BACH2: variants seen among roughly 807,000 people sequenced by gnomAD.
BACH2 encodes the protein transcription regulator protein BACH2.
Under a neutral mutation model 61.8 loss-of-function variants are expected in BACH2, and 5 were observed. The observed-to-expected ratio is 0.08, with a 90% CI of 0.04 to 0.17. The LOEUF is 0.17. Among genes scored for constraint, BACH2 ranks in the 10% least tolerant of loss-of-function variants. The pLI is 1.00. For synonymous variants in BACH2, 446 were observed against 440.1 expected, an observed-to-expected ratio of 1.01 and a Z score of -0.17; for missense variants, 824 against 1,091.1, an observed-to-expected ratio of 0.76 and a Z score of 3.45.
intron 1 of BACH2, among the ~76,000 whole-genome samples, chr6:90,272,390 C>T (rs1771553804): frequency 6.6e-6 from 1 of 152,026 alleles, no homozygotes; most frequent in Admixed American, 6.5e-5. Context: ...TTTCTCTCTC[C>T]CTCAGAAATC....
At chr6:90,053,989 A>C (rs1472739885) in intron 5 of BACH2, among the ~76,000 whole-genome samples, 1 of 152,082 alleles carries the variant, frequency 6.6e-6, no homozygotes, top group Admixed American at 6.5e-5. Context: ...GGTGGGGAGG[A>C]GCCAAGATGG....
intron 6 of BACH2, among the ~76,000 whole-genome samples, chr6:89,992,738 C>T (rs533049941): frequency 6.6e-6 from 1 of 152,288 alleles, no homozygotes; most frequent in East Asian, 1.9e-4. Flanking sequence ...TATGGCTACA[C>T]AGTACATGAT....
At chr6:90,219,883 C>T (rs930359520) in intron 3 of BACH2, among the ~76,000 whole-genome samples, 4 of 152,136 alleles carry the variant, frequency 2.6e-5, no homozygotes, top group Non-Finnish European at 5.9e-5. Flanking sequence ...CATACCACCA[C>T]TGCAAATAAC....
intron 5 of BACH2, among the ~76,000 whole-genome samples, chr6:90,082,643 A>G (rs1446526407): frequency 1.3e-5 from 2 of 152,218 alleles, no homozygotes; most frequent in Non-Finnish European, 2.9e-5. Flanking sequence ...ATATTTGGGC[A>G]GCCAGATTAT....
At chr6:90,092,291 A>AAAAAAAAAAAAAAATAT in intron 4 of BACH2, among the ~76,000 whole-genome samples, 6 of 113,826 alleles carry the variant, frequency 5.3e-5, no homozygotes, top group African/African-American at 2.2e-4. Flanking sequence ...AAAAAAAAAA[A>AAAAAAAAAAAAAAATAT]ATATATATAT....
chr6:90,147,153 A>C (rs2127828732), intron 4 of BACH2, among the ~76,000 whole-genome samples: 1 of 152,378 alleles, frequency 6.6e-6, no homozygotes, highest in South Asian at 2.1e-4. Flanking sequence ...AGCCACTGCA[A>C]GAAGGGGCAG....
At chr6:90,000,004 G>A (rs1777050937) in intron 6 of BACH2, among the ~76,000 whole-genome samples, 1 of 152,232 alleles carries the variant, frequency 6.6e-6, no homozygotes, top group Non-Finnish European at 1.5e-5. Flanking sequence ...TATGCCAAAA[G>A]AGGAACACAT....
intron 6 of BACH2, among the ~76,000 whole-genome samples, chr6:89,991,672 ACATT>A (rs1364289736): frequency 6.6e-6 from 1 of 152,148 alleles, no homozygotes; most frequent in African/African-American, 2.4e-5. Flanking sequence ...TATATAGTCT[ACATT>A]CAGATTCTCC....
intron 5 of BACH2, among the ~76,000 whole-genome samples, chr6:90,084,438 T>C (rs1298488570): frequency 6.6e-6 from 1 of 152,042 alleles, no homozygotes; most frequent in Admixed American, 6.6e-5. Context: ...CCCTTTCAAC[T>C]CAAGCTTAGG....
Position 90,003,984 on chromosome 6 carries a change from G to A in BACH2, c.243+4618C>T, listed in dbSNP as rs189534228. Reference sequence around the variant, plus strand: ...TGCTGTTGTCACCCTGTGCTGTGGCGTTAACTACTTTCTGTACTATTACAT... The same window carrying A: ...TGCTGTTGTCACCCTGTGCTGTGGCATTAACTACTTTCTGTACTATTACAT... On this transcript the variant is annotated intron_variant, in intron 6 of 8. Coordinates refer to ENST00000257749, the MANE Select transcript of BACH2 (RefSeq NM_021813.4). Among the ~76,000 whole-genome samples the A allele has an allele frequency of 1.6e-3, 239 of 152,248 alleles. 1 individual carries two copies. Among genetic ancestry groups the A allele is most frequent in the African/African-American group, 4.9e-3 (202 of 41,552 alleles).
At position 89,929,558 on chromosome 6, in the gene BACH2, G is replaced by A. The variant is rs1163933018; in HGVS notation, c.*2850C>T. ...CTATGAAATTGGAAGATGGTTTTTAGAGCAGTGTTTTTAACCAGTTCCCAT... is the reference window on the plus strand; with the variant it reads ...CTATGAAATTGGAAGATGGTTTTTAAAGCAGTGTTTTTAACCAGTTCCCAT... On this transcript the variant is annotated 3_prime_UTR_variant, in exon 9 of 9. Coordinates refer to ENST00000257749, the MANE Select transcript of BACH2 (RefSeq NM_021813.4). The A allele has an allele frequency of 1.3e-5, 2 of 152,336 alleles. No homozygotes were observed. Among genetic ancestry groups the A allele is most frequent in the Non-Finnish European group, 2.9e-5 (2 of 68,050 alleles). 9.4% of individuals were successfully genotyped at this position (152,336 alleles called of 1,614,324 possible).
chr6:89,961,998 G>A (rs1035422185), intron 6 of BACH2, among the ~76,000 whole-genome samples: 1 of 152,080 alleles, frequency 6.6e-6, no homozygotes, highest in African/African-American at 2.4e-5. Context: ...GTGTGTACTT[G>A]TCTAGATACT....
intron 6 of BACH2, among the ~76,000 whole-genome samples, chr6:90,004,745 T>C (rs1016033062): frequency 2.0e-5 from 3 of 152,206 alleles, no homozygotes; most frequent in Non-Finnish European, 4.4e-5. Flanking sequence ...GTCATACTAA[T>C]GAGCAGTGGA....
At chr6:89,933,522 C>A (rs1772811454) in intron 8 of BACH2, among the ~76,000 whole-genome samples, 1 of 151,902 alleles carries the variant, frequency 6.6e-6, no homozygotes, top group South Asian at 2.1e-4. Context: ...CTAATGCAAA[C>A]TATGGACTTG....
rs892196971 is a variant in BACH2, at chr6:90,216,459, G to A, written c.-274-9778C>T. ...CTTTCTGCTAATGTCGACTTCCCTC[G>A]GCTCAGACGGTGGGGTCATTTCCTC... On this transcript the variant is annotated intron_variant, in intron 3 of 8. Transcript: ENST00000257749. Among the ~76,000 whole-genome samples the A allele has an allele frequency of 4.0e-4, 61 of 152,192 alleles. 1 individual carries two copies. The highest frequency in any genetic ancestry group is 1.4e-3 in the African/African-American group (57 of 41,538).
At chr6:90,097,359 C>T (rs1344944406) in intron 4 of BACH2, among the ~76,000 whole-genome samples, 2 of 152,190 alleles carry the variant, frequency 1.3e-5, no homozygotes, top group Admixed American at 1.3e-4. Context: ...TCTCACTGTA[C>T]TGTTGAAAAA....
intron 2 of BACH2, among the ~76,000 whole-genome samples, chr6:90,261,778 G>A (rs1390435004): frequency 6.6e-6 from 1 of 151,898 alleles, no homozygotes; most frequent in Non-Finnish European, 1.5e-5. Flanking sequence ...CGATCTAATT[G>A]AGCACTTATA....
intron 5 of BACH2, among the ~76,000 whole-genome samples, chr6:90,013,719 A>G (rs1379640846): frequency 2.0e-5 from 3 of 151,986 alleles, no homozygotes; most frequent in Non-Finnish European, 4.4e-5. Context: ...CATGTTAGCC[A>G]GGATGGTCTT....
intron 5 of BACH2, among the ~76,000 whole-genome samples, chr6:90,024,229 G>C (rs957024098): frequency 5.3e-5 from 8 of 152,116 alleles, no homozygotes; most frequent in Non-Finnish European, 4.4e-5. Flanking sequence ...TTTAGGTTCT[G>C]TGACTTAATC....
Sources: gnomAD v4.1 joint callset for allele counts (sites outside exome capture counted in the v4.1 genomes callset) on GRCh38, gnomAD v4.1.1 for gene constraint, MANE v1.5 for transcripts, NCBI Gene and HGNC (gene_info 2026-07-23, HGNC 2026-07-21) for gene names.